Variants in SEPTIN14 observed in about 807,000 individuals in gnomAD.
SEPTIN14 encodes the protein septin 14.
SEPTIN14 carries 40 observed loss-of-function variants against 53.6 expected under a neutral mutation model. The observed-to-expected ratio is 0.75, with a 90% CI of 0.58 to 0.97. SEPTIN14 has a LOEUF of 0.97. Ranked by LOEUF, SEPTIN14 falls within the 50% of genes least tolerant of loss-of-function variation. The pLI is 0.00. For missense variants in SEPTIN14, 471 were observed against 508.2 expected (o/e 0.93, Z 0.70); for synonymous variants, 138 against 166.8 (o/e 0.83, Z 1.33).
At chr7:55,839,198 G>T (rs895580537) in intron 5 of SEPTIN14, among the ~76,000 whole-genome samples, 3 of 151,912 alleles carry the variant, frequency 2.0e-5, no homozygotes, top group African/African-American at 7.2e-5. Context: ...GAACAGCCTG[G>T]CCAACATGGG....
At chr7:55,813,388 G>A (rs189480042) in intron 7 of SEPTIN14, among the ~76,000 whole-genome samples, 1 of 152,176 alleles carries the variant, frequency 6.6e-6, no homozygotes, top group Non-Finnish European at 1.5e-5. Flanking sequence ...AGGCAATCAG[G>A]CCCCAAGGTC....
At chr7:55,796,228 C>A in intron 9 of SEPTIN14, 136 bp from the exon 10 acceptor site, 5 of 636,312 alleles carry the variant, frequency 7.9e-6, no homozygotes, top group Non-Finnish European at 1.4e-5. Flanking sequence ...CTCAAAAACT[C>A]AGGAGTAAAC....
intron 6 of SEPTIN14, among the ~76,000 whole-genome samples, chr7:55,822,827 G>A (rs1009601816): frequency 1.3e-5 from 2 of 149,710 alleles, no homozygotes; most frequent in African/African-American, 4.9e-5. Context: ...TTAGAGAAAG[G>A]GAGTCAGGCT....
Position 55,819,988 on chromosome 7 carries a change from T to C in SEPTIN14, c.721-765A>G, listed in dbSNP as rs117411058. The stretch of plus-strand genomic sequence containing the variant: ...AAATACTTTAATAAGCAATACTGTA[T>C]ATGTCTCAATAAATTATGTTTGTTT... On this transcript the variant is annotated intron_variant, in intron 6 of 9. Transcript: ENST00000388975. 3.7e-3 allele frequency among the ~76,000 whole-genome samples: 562 copies of C among 152,288 alleles called. 9 individuals are homozygous for C. The highest frequency in any genetic ancestry group is 0.026 in the Admixed American group (395 of 15,288).
rs368473126 is a variant in SEPTIN14, at chr7:55,854,734, G to A, written c.54+7209C>T. On this transcript the variant is annotated intron_variant, in intron 2 of 9. Transcript: ENST00000388975. ...TGAGCTACCACACCCGGCCTGTACTGGAGGTTCTTACCAGTCAATAAGGCA... is the reference window on the plus strand; with the variant it reads ...TGAGCTACCACACCCGGCCTGTACTAGAGGTTCTTACCAGTCAATAAGGCA... 1.1e-4 allele frequency among the ~76,000 whole-genome samples: 17 copies of A among 152,160 alleles called. No homozygotes were observed. In the South Asian group the frequency reaches 3.5e-3, roughly 32 times the overall value.
chr7:55,798,912 A>G (rs1333992108), intron 9 of SEPTIN14: 1 of 153,210 alleles, frequency 6.5e-6, no homozygotes, highest in Non-Finnish European at 1.5e-5. Context: ...CCTGGCCAAC[A>G]TGGTGAAATC....
rs1284419330 is a variant in SEPTIN14 at position 55,794,401 on chromosome 7, T to C, written c.*1512A>G. On this transcript the variant is annotated 3_prime_UTR_variant, in exon 10 of 10. Coordinates refer to ENST00000388975, the MANE Select transcript of SEPTIN14 (RefSeq NM_207366.3). ...AATTATCTTTTGAAAGTCAATAATC[T>C]ACATTTTTAATGTATGCATATGGCA... 19 of 152,228 alleles carry C rather than the reference T, an allele frequency of 1.2e-4. No individual in the cohort carries two copies. Among genetic ancestry groups the C allele is most frequent in the Non-Finnish European group, 7.3e-5 (5 of 68,046 alleles). The allele number at this position is 152,228 out of a possible 1,614,324, so 9.4% of individuals were successfully genotyped here. A position where few individuals can be genotyped will look rare whatever the true frequency, so the allele number is the denominator to read the frequency against.
intron 7 of SEPTIN14, among the ~76,000 whole-genome samples, chr7:55,809,033 A>C (rs561472011): frequency 1.3e-5 from 2 of 152,288 alleles, no homozygotes; most frequent in African/African-American, 4.8e-5. Flanking sequence ...TCAATGGTAG[A>C]CTGGATAGAG....
intron 9 of SEPTIN14, chr7:55,798,465 C>T (rs113269017): frequency 1.7e-3 from 494 of 288,382 alleles, no homozygotes; most frequent in Non-Finnish European, 2.6e-3. Context: ...CACAATGATG[C>T]TTTCCTCTCC....
intron 6 of SEPTIN14, among the ~76,000 whole-genome samples, chr7:55,826,580 C>T (rs1018819214): frequency 2.6e-5 from 4 of 152,124 alleles, no homozygotes; most frequent in African/African-American, 9.7e-5. Context: ...GGCAGATCAC[C>T]TGAGGTCAGG....
intron 7 of SEPTIN14, among the ~76,000 whole-genome samples, chr7:55,807,530 T>C (rs2331097): frequency 0.43 from 65,061 of 151,966 alleles, 14,179 homozygotes; most frequent in East Asian, 0.64. Context: ...TTTATGTGCA[T>C]ATATGCCATA....
chr7:55,804,134 T>TAAA lies in SEPTIN14; in HGVS notation c.1119+1121_1119+1123dup, dbSNP rs35467838. ...CTGGGTAACAGAGCAAGACTCTGTC[T>TAAA]AAAAAAAAAAAAAAAAAAAAAAAAA... On this transcript the variant is annotated intron_variant, in intron 9 of 9. Coordinates refer to ENST00000388975, the MANE Select transcript of SEPTIN14 (RefSeq NM_207366.3). 5.7e-3 allele frequency among the ~76,000 whole-genome samples: 266 copies of TAAA among 47,038 alleles called. 13 individuals carry two copies. Among genetic ancestry groups the TAAA allele is most frequent in the Middle Eastern group, 0.017 (1 of 58 alleles). The allele number at this position is 47,038 out of a possible 152,430, so 30.9% of individuals were successfully genotyped here. A position where few individuals can be genotyped will look rare whatever the true frequency, so the allele number is the denominator to read the frequency against.
At chr7:55,844,912 C>CT (rs34738740) in intron 3 of SEPTIN14, among the ~76,000 whole-genome samples, 194 bp from the exon 4 acceptor site, 91,633 of 145,820 alleles carry the variant, frequency 0.63, 30,431 homozygotes, top group African/African-American at 0.87. Context: ...TACAAAGTTT[C>CT]TTTTTTTTTT....
In SEPTIN14 at chr7:55,819,159, C is replaced by T; in HGVS notation, c.785G>A (p.Arg262Lys). ...AACTCCCCAAGGGTAGTGACGGCCT[C>T]TGACCATCCTTTTTCCAACTTTCAC... ...DEVKVGKRMV[R>K]GRHYPWGVLQ... The change falls in exon 7 of 10, where the codon AGA becomes AAA. Residue 262 changes from arginine (R) to lysine (K), a missense_variant. Physicochemically the swap from Arg to Lys is conservative, Grantham distance 26. Coordinates refer to ENST00000388975, the MANE Select transcript of SEPTIN14 (RefSeq NM_207366.3). The T allele has an allele frequency of 1.3e-6, 2 of 1,586,826 alleles. No individual in the cohort carries two copies. The highest frequency in any genetic ancestry group is 8.6e-7 in the Non-Finnish European group (1 of 1,165,662).
rs761509569 is a variant in SEPTIN14 at position 55,805,351 on chromosome 7, A to G, written c.1026T>C (p.Tyr342=). The G allele has an allele frequency of 1.1e-5, 17 of 1,599,844 alleles. No individual in the cohort carries two copies. The South Asian group carries it at 1.7e-4, about 16-fold the overall frequency. Residue 342 remains tyrosine, a synonymous_variant, in exon 9 of 10, where the codon TAT becomes TAC. Coordinates refer to ENST00000388975, the MANE Select transcript of SEPTIN14 (RefSeq NM_207366.3). ...EIFEAKRQEF[Y]DQCQREEEEL... is the part of the protein sequence containing the mutation. Reference sequence around the variant, plus strand: ...CTTCTTCTTCCCTCTGACATTGATCATAGAACTCTTGTCTTTTGGCTTCAA... The same window carrying G: ...CTTCTTCTTCCCTCTGACATTGATCGTAGAACTCTTGTCTTTTGGCTTCAA...
chr7:55,850,327 G>A (rs535447372), intron 2 of SEPTIN14, among the ~76,000 whole-genome samples: 3 of 151,896 alleles, frequency 2.0e-5, no homozygotes, highest in African/African-American at 4.8e-5. Flanking sequence ...AAAATTAGCC[G>A]GGCATGGTGG....
At chr7:55,800,834 A>G (rs1284096149) in intron 9 of SEPTIN14, among the ~76,000 whole-genome samples, 2 of 152,156 alleles carry the variant, frequency 1.3e-5, no homozygotes, top group Non-Finnish European at 2.9e-5. Context: ...ACTGAGTATC[A>G]TTGGATTTCT....
chr7:55,824,915 AGTAACCACATC>A lies in SEPTIN14; in HGVS notation c.721-5703_721-5693del, dbSNP rs563701480. On this transcript the variant is annotated intron_variant, in intron 6 of 9. Coordinates refer to ENST00000388975, the MANE Select transcript of SEPTIN14 (RefSeq NM_207366.3). ...ATTGCCAGTGGGAATGCAAAATGGCAGTAACCACATCGTAAGACTGGTAGTTTCTTTCGAAA... is the reference window on the plus strand; with the variant it reads ...ATTGCCAGTGGGAATGCAAAATGGCAGTAAGACTGGTAGTTTCTTTCGAAA... 2.8e-3 allele frequency among the ~76,000 whole-genome samples: 425 copies of A among 152,328 alleles called. 5 individuals carry two copies. Among genetic ancestry groups the A allele is most frequent in the Middle Eastern group, 0.01 (3 of 294 alleles).
In SEPTIN14 at chr7:55,803,658, CA is replaced by C. The variant is rs546629011; in HGVS notation, c.1119+1599del. 2.2e-3 allele frequency among the ~76,000 whole-genome samples: 342 copies of C among 152,126 alleles called. 4 individuals are homozygous for C. The highest frequency in any genetic ancestry group is 7.7e-3 in the African/African-American group (320 of 41,520). The stretch of plus-strand genomic sequence containing the variant: ...ATTGACAATAATCAAGACATGTAAT[CA>C]ACCCTAAGAGAACACATAGTTGAGA... On this transcript the variant is annotated intron_variant, in intron 9 of 9. Coordinates refer to ENST00000388975, the MANE Select transcript of SEPTIN14 (RefSeq NM_207366.3).
Sources: allele counts gnomAD v4.1 joint callset (sites outside exome capture counted in the v4.1 genomes callset), GRCh38; gene constraint gnomAD v4.1.1; transcripts MANE v1.5; gene names NCBI Gene and HGNC (gene_info 2026-07-23, HGNC 2026-07-21).